CCBE1: variants seen among roughly 807,000 people sequenced by gnomAD.
The protein encoded by CCBE1 is collagen and calcium binding EGF domains 1, also known as collagen and calcium-binding EGF domain-containing protein 1.
A neutral mutation model predicts 50.0 loss-of-function variants in CCBE1; 37 were observed. The ratio of observed to expected loss-of-function variants is 0.74; its 90% CI spans 0.57 to 0.97. CCBE1 has a LOEUF of 0.97. Among genes scored for constraint, CCBE1 ranks in the 50% least tolerant of loss-of-function variants. The probability of loss-of-function intolerance (pLI) is 0.00; values close to 1 mark genes in which losing one functional copy is unlikely to be tolerated. For missense variants in CCBE1, 538 were observed against 523.8 expected, an observed-to-expected ratio of 1.03 and a Z score of -0.26; for synonymous variants, 234 against 203.7, an observed-to-expected ratio of 1.15 and a Z score of -1.27.
chr18:59,541,989 C>A (rs985046782), intron 2 of CCBE1, among the ~76,000 whole-genome samples: 1 of 151,972 alleles, frequency 6.6e-6, no homozygotes, highest in African/African-American at 2.4e-5. Context: ...CTGGCTTGGG[C>A]AACATGGTGA....
chr18:59,696,983 G>T (rs376929204), intron 1 of CCBE1, among the ~76,000 whole-genome samples: 2 of 152,210 alleles, frequency 1.3e-5, no homozygotes, highest in African/African-American at 4.8e-5. Flanking sequence ...GCAGGAACGC[G>T]GGGCGAAGGG....
intron 2 of CCBE1, among the ~76,000 whole-genome samples, chr18:59,526,558 C>G (rs571194756): frequency 6.6e-6 from 1 of 152,260 alleles, no homozygotes; most frequent in Admixed American, 6.5e-5. Context: ...ATTCACCTGC[C>G]TCAGCCTCCC....
intron 3 of CCBE1, among the ~76,000 whole-genome samples, chr18:59,470,125 G>C (rs111714901): frequency 6.6e-6 from 1 of 152,194 alleles, no homozygotes; most frequent in Non-Finnish European, 1.5e-5. Flanking sequence ...ACATACCTGA[G>C]ACTGGGTAAT....
intron 6 of CCBE1, among the ~76,000 whole-genome samples, chr18:59,454,260 T>C (rs1227275799): frequency 6.6e-6 from 1 of 152,182 alleles, no homozygotes; most frequent in Non-Finnish European, 1.5e-5. Context: ...GAAATTTGTT[T>C]TGAGTTGGAG....
intron 2 of CCBE1, among the ~76,000 whole-genome samples, chr18:59,496,231 C>G (rs1280398294): frequency 6.6e-6 from 1 of 152,104 alleles, no homozygotes; most frequent in Non-Finnish European, 1.5e-5. Flanking sequence ...CATTGTACAT[C>G]CACACTGTGT....
At chr18:59,492,384 A>G (rs776860703) in intron 2 of CCBE1, among the ~76,000 whole-genome samples, 1 of 152,040 alleles carries the variant, frequency 6.6e-6, no homozygotes, top group Non-Finnish European at 1.5e-5. Context: ...TGGGCACATA[A>G]CCACCCAGAA....
At chr18:59,615,103 C>T (rs1424968275) in intron 2 of CCBE1, among the ~76,000 whole-genome samples, 1 of 152,210 alleles carries the variant, frequency 6.6e-6, no homozygotes, top group Non-Finnish European at 1.5e-5. Context: ...TCGATGGAGA[C>T]CAGAACTTCA....
chr18:59,508,952 T>C (rs1382273023), intron 2 of CCBE1, among the ~76,000 whole-genome samples: 1 of 152,192 alleles, frequency 6.6e-6, no homozygotes, highest in Non-Finnish European at 1.5e-5. Context: ...GTGCAGTTTT[T>C]AATAGTATGC....
At chr18:59,532,450 G>A (rs1915090324) in intron 2 of CCBE1, among the ~76,000 whole-genome samples, 1 of 152,232 alleles carries the variant, frequency 6.6e-6, no homozygotes, top group Admixed American at 6.5e-5. Context: ...ACTAGGCAAT[G>A]TGGACCTGTA....
At chr18:59,551,711 C>G (rs1324392966) in intron 2 of CCBE1, among the ~76,000 whole-genome samples, 1 of 152,132 alleles carries the variant, frequency 6.6e-6, no homozygotes, top group Non-Finnish European at 1.5e-5. Context: ...TCCAGTGATT[C>G]AGGACTTCTT....
At chr18:59,688,916 G>A (rs10503032) in intron 2 of CCBE1, among the ~76,000 whole-genome samples, 53,438 of 152,070 alleles carry the variant, frequency 0.35, 10,174 homozygotes, top group East Asian at 0.51. Context: ...ATGTGGATGA[G>A]GTGTTATAGA....
rs182097616 is a variant in CCBE1 at position 59,468,595 on chromosome 18, C to A, written c.400+878G>T. On this transcript the variant is annotated intron_variant, in intron 4 of 10. Coordinates refer to ENST00000439986, the MANE Select transcript of CCBE1 (RefSeq NM_133459.4). ...TGCCGACAGGGAGCAACCAGAGGAC[C>A]TACGGTTAGAACTTCTCAGAAATGG... 2.0e-5 allele frequency among the ~76,000 whole-genome samples: 3 copies of A among 152,268 alleles called. No individual in the cohort carries two copies. The East Asian group carries it at 5.8e-4, about 30-fold the overall frequency.
intron 2 of CCBE1, 112 bp from the exon 3 acceptor site, chr18:59,480,350 AG>A: frequency 1.3e-6 from 1 of 760,650 alleles, no homozygotes; most frequent in Non-Finnish European, 2.2e-6. Context: ...TGAGGCATAA[AG>A]CAAAGTAGGG....
At chr18:59,652,795 T>G (rs776619486) in intron 2 of CCBE1, among the ~76,000 whole-genome samples, 1 of 152,126 alleles carries the variant, frequency 6.6e-6, no homozygotes, top group Non-Finnish European at 1.5e-5. Flanking sequence ...AAACCCCATC[T>G]CTACTAAAAA....
intron 2 of CCBE1, among the ~76,000 whole-genome samples, chr18:59,638,414 T>C (rs1156445714): frequency 6.6e-6 from 1 of 152,204 alleles, no homozygotes; most frequent in Non-Finnish European, 1.5e-5. Flanking sequence ...GTTCTTGAAG[T>C]GTGGTCCTGG....
intron 7 of CCBE1, among the ~76,000 whole-genome samples, chr18:59,443,552 C>T (rs1194975997): frequency 6.6e-6 from 1 of 151,812 alleles, no homozygotes; most frequent in African/African-American, 2.4e-5. Flanking sequence ...CTGCAACCTC[C>T]GCTTCCCAGG....
chr18:59,626,842 G>GC (rs1453377780), intron 2 of CCBE1, among the ~76,000 whole-genome samples: 3 of 152,364 alleles, frequency 2.0e-5, no homozygotes, highest in Non-Finnish European at 4.4e-5. Context: ...TCAAGGCCTG[G>GC]AGGGGTTAAG....
rs114412871 is a variant in CCBE1 at position 59,624,110 on chromosome 18, A to G, written c.212+72519T>C. On this transcript the variant is annotated intron_variant, in intron 2 of 10. Transcript: ENST00000439986. ...GAGGTCACCAGAAATGCAATTTAAG[A>G]AGACATCTAGCTGCCTGCCCAATTT... 4.7e-3 allele frequency among the ~76,000 whole-genome samples: 712 copies of G among 152,316 alleles called. 4 individuals carry two copies. Among genetic ancestry groups the G allele is most frequent in the African/African-American group, 0.016 (647 of 41,562 alleles).
chr18:59,594,909 C>T (rs948996380), intron 2 of CCBE1, among the ~76,000 whole-genome samples: 5 of 151,958 alleles, frequency 3.3e-5, no homozygotes, highest in South Asian at 2.1e-4. Context: ...GTCAAGAGAA[C>T]AAGATCAGCC....
Sources: gnomAD v4.1 joint callset for allele counts (sites outside exome capture counted in the v4.1 genomes callset) on GRCh38, gnomAD v4.1.1 for gene constraint, MANE v1.5 for transcripts, NCBI Gene and HGNC (gene_info 2026-07-23, HGNC 2026-07-21) for gene names.